Variants in TRPC6 observed in about 807,000 individuals in gnomAD.
TRPC6 encodes transient receptor potential cation channel subfamily C member 6.
TRPC6 carries 55 observed loss-of-function variants against 90.7 expected under a neutral mutation model. The ratio of observed to expected loss-of-function variants is 0.61; its 90% CI spans 0.49 to 0.76. TRPC6 has a LOEUF of 0.76. Ranked by LOEUF, TRPC6 falls within the 30% of genes least tolerant of loss-of-function variation. The probability of loss-of-function intolerance (pLI) is 0.00; values close to 1 mark genes in which losing one functional copy is unlikely to be tolerated. For synonymous variants in TRPC6, 393 were observed against 393.0 expected (o/e 1.00, Z 0.00); for missense variants, 989 against 1,122.7 (o/e 0.88, Z 1.70).
At chr11:101,480,762 C>T (rs1859533264) in intron 5 of TRPC6, among the ~76,000 whole-genome samples, 1 of 151,914 alleles carries the variant, frequency 6.6e-6, no homozygotes, top group Non-Finnish European at 1.5e-5. Context: ...TATTATTTAC[C>T]TTACATATAC....
At chr11:101,456,197 G>A (rs1284218257) in intron 10 of TRPC6, among the ~76,000 whole-genome samples, 2 of 152,112 alleles carry the variant, frequency 1.3e-5, no homozygotes, top group East Asian at 3.9e-4. Flanking sequence ...GGAACCTCAA[G>A]GATAAATACC....
chr11:101,487,518 T>C (rs528335460), intron 4 of TRPC6, among the ~76,000 whole-genome samples: 1 of 152,154 alleles, frequency 6.6e-6, no homozygotes, highest in African/African-American at 2.4e-5. Context: ...TCACCACCTG[T>C]CCCTCCCCTC....
chr11:101,483,710 A>G (rs7938416), intron 4 of TRPC6, among the ~76,000 whole-genome samples: 54,630 of 152,008 alleles, frequency 0.36, 11,351 homozygotes, highest in African/African-American at 0.57. Flanking sequence ...GGGCAGCAGG[A>G]CAGTTCCTAC....
intron 1 of TRPC6, among the ~76,000 whole-genome samples, chr11:101,511,618 A>C (rs749759587): frequency 1.1e-4 from 17 of 152,110 alleles, no homozygotes; most frequent in Non-Finnish European, 2.4e-4. Context: ...ACAGGGGACA[A>C]AGGAAGTTGA....
At chr11:101,484,387 A>G (rs1309791986) in intron 4 of TRPC6, among the ~76,000 whole-genome samples, 1 of 152,170 alleles carries the variant, frequency 6.6e-6, no homozygotes, top group Non-Finnish European at 1.5e-5. Context: ...ATTATTAGGA[A>G]TTATCTTTTA....
chr11:101,537,490 C>T (rs1861077992), intron 1 of TRPC6, among the ~76,000 whole-genome samples: 1 of 151,988 alleles, frequency 6.6e-6, no homozygotes, highest in Non-Finnish European at 1.5e-5. Flanking sequence ...TGTCTGAATT[C>T]TATAAGTAAC....
chr11:101,540,755 T>G (rs1013567408), intron 1 of TRPC6, among the ~76,000 whole-genome samples: 10 of 152,224 alleles, frequency 6.6e-5, no homozygotes, highest in Non-Finnish European at 1.0e-4. Context: ...TAAAGAAAGA[T>G]GAGTTAAAAA....
At chr11:101,570,800 A>C (rs954575528) in intron 1 of TRPC6, among the ~76,000 whole-genome samples, 2 of 152,234 alleles carry the variant, frequency 1.3e-5, no homozygotes, top group Non-Finnish European at 2.9e-5. Context: ...GATGCAGAAA[A>C]GGTGTTTGAC....
At chr11:101,489,127 A>G (rs1859744534) in intron 3 of TRPC6, 26 bp from the exon 4 acceptor site, 1 of 1,610,932 alleles carries the variant, frequency 6.2e-7, no homozygotes, top group Non-Finnish European at 8.5e-7. Flanking sequence ...CAAAATATTT[A>G]AATTTGACTA....
intron 1 of TRPC6, among the ~76,000 whole-genome samples, chr11:101,570,773 A>C (rs571014390): frequency 6.6e-6 from 1 of 152,328 alleles, no homozygotes; most frequent in East Asian, 1.9e-4. Flanking sequence ...GACAAAAACC[A>C]TGTGATGATC....
intron 12 of TRPC6, 154 bp downstream of exon 12, chr11:101,453,496 C>G (rs1365611575): frequency 1.3e-6 from 1 of 777,870 alleles, no homozygotes; most frequent in South Asian, 1.5e-5. Context: ...GTTCCCCACT[C>G]TTTAACAGAA....
At chr11:101,541,005 G>T (rs1861156402) in intron 1 of TRPC6, among the ~76,000 whole-genome samples, 1 of 152,116 alleles carries the variant, frequency 6.6e-6, no homozygotes, top group South Asian at 2.1e-4. Context: ...ACAAAATCAG[G>T]CTAGAAATGC....
chr11:101,523,374 G>A (rs1179029711), intron 1 of TRPC6, among the ~76,000 whole-genome samples: 1 of 152,164 alleles, frequency 6.6e-6, no homozygotes, highest in Non-Finnish European at 1.5e-5. Flanking sequence ...CTGTCTTCAA[G>A]TTATGCCATG....
At chr11:101,500,210 C>CTTT (rs373591780) in intron 2 of TRPC6, among the ~76,000 whole-genome samples, 3,139 of 137,570 alleles carry the variant, frequency 0.023, 158 homozygotes, top group African/African-American at 0.062. Context: ...TATTTTTTTT[C>CTTT]TTTCTTTTTT....
At chr11:101,550,360 A>G (rs1861424075) in intron 1 of TRPC6, among the ~76,000 whole-genome samples, 1 of 151,634 alleles carries the variant, frequency 6.6e-6, no homozygotes, top group Admixed American at 6.6e-5. Context: ...CTATGGATGT[A>G]AAATCATGCA....
At chr11:101,496,634 T>C (rs971253909) in intron 2 of TRPC6, among the ~76,000 whole-genome samples, 1 of 152,212 alleles carries the variant, frequency 6.6e-6, no homozygotes, top group Admixed American at 6.5e-5. Context: ...ATACACTTAG[T>C]ATAATGTCTG....
chr11:101,544,963 C>T (rs1408060645), intron 1 of TRPC6, among the ~76,000 whole-genome samples: 2 of 152,054 alleles, frequency 1.3e-5, no homozygotes, highest in Admixed American at 1.3e-4. Context: ...ACCAGTAGTG[C>T]TATATGTAGA....
chr11:101,499,115 C>T (rs1678945590), intron 2 of TRPC6, among the ~76,000 whole-genome samples: 1 of 152,024 alleles, frequency 6.6e-6, no homozygotes. Context: ...AGTGAGAGTC[C>T]AGAAAAAGTT....
At chr11:101,559,090 G>A (rs1398245683) in intron 1 of TRPC6, among the ~76,000 whole-genome samples, 1 of 152,030 alleles carries the variant, frequency 6.6e-6, no homozygotes, top group African/African-American at 2.4e-5. Context: ...TCTATGAATT[G>A]GGAGAAATAT....
Sources: allele counts gnomAD v4.1 joint callset (sites outside exome capture counted in the v4.1 genomes callset), GRCh38; gene constraint gnomAD v4.1.1; transcripts MANE v1.5; gene names NCBI Gene and HGNC (gene_info 2026-07-23, HGNC 2026-07-21).